LRBA: variants seen among roughly 807,000 people sequenced by gnomAD.
LRBA encodes the protein lipopolysaccharide-responsive and beige-like anchor protein.
A neutral mutation model predicts 330.0 loss-of-function variants in LRBA; 176 were observed. The observed-to-expected ratio is 0.53, with a 90% confidence interval of 0.47 to 0.60. The LOEUF (loss-of-function observed/expected upper bound fraction) is 0.60. LRBA is among the 20% of genes least tolerant of loss of function. The probability of loss-of-function intolerance (pLI) is 0.00; values close to 1 mark genes in which losing one functional copy is unlikely to be tolerated. For synonymous variants in LRBA, 1,230 were observed against 1,193.0 expected, an observed-to-expected ratio of 1.03 and a Z score of -0.64; for missense variants, 3,259 against 3,444.8, an observed-to-expected ratio of 0.95 and a Z score of 1.35.
intron 40 of LRBA, among the ~76,000 whole-genome samples, chr4:150,563,484 G>GGCACAAGACAGAGAT (rs1259474556): frequency 6.6e-6 from 1 of 150,396 alleles, no homozygotes; most frequent in Non-Finnish European, 1.5e-5. Flanking sequence ...CCCTTTGAGT[G>GGCACAAGACAGAGAT]GCCCTCTCTC....
intron 2 of LRBA, among the ~76,000 whole-genome samples, chr4:150,977,038 G>C (rs1718816272): frequency 6.6e-6 from 1 of 152,166 alleles, no homozygotes; most frequent in Non-Finnish European, 1.5e-5. Context: ...GGCAGTCTAG[G>C]CCACAAGGAC....
chr4:150,849,884 G>A (rs901667320), intron 24 of LRBA, among the ~76,000 whole-genome samples: 3 of 152,148 alleles, frequency 2.0e-5, no homozygotes, highest in Admixed American at 2.0e-4. Context: ...CAAAAATTAG[G>A]AGGTAAATAC....
intron 47 of LRBA, among the ~76,000 whole-genome samples, chr4:150,366,610 C>A (rs1277724230): frequency 6.6e-6 from 1 of 152,210 alleles, no homozygotes; most frequent in South Asian, 2.1e-4. Flanking sequence ...GGGAGCAAAT[C>A]CAAAGCCAGG....
chr4:150,591,807 A>G (rs1772873840), intron 38 of LRBA, among the ~76,000 whole-genome samples: 2 of 152,138 alleles, frequency 1.3e-5, no homozygotes, highest in Admixed American at 1.3e-4. Flanking sequence ...CCTACACTCA[A>G]CAATGGGATC....
chr4:150,924,659 T>C (rs1258886116), intron 4 of LRBA, among the ~76,000 whole-genome samples: 6 of 152,168 alleles, frequency 3.9e-5, no homozygotes, highest in African/African-American at 9.7e-5. Context: ...GATTTAGATA[T>C]AGGGATTTTT....
chr4:150,946,606 G>C lies in LRBA; in HGVS notation c.217-17541C>G, dbSNP rs114911443. Reference sequence around the variant, plus strand: ...AAAAATATAATATATCAAAATTTGTGGGCCATACCTGAGAGGGAAATTTGT... The same window carrying C: ...AAAAATATAATATATCAAAATTTGTCGGCCATACCTGAGAGGGAAATTTGT... On this transcript the variant is annotated intron_variant, in intron 2 of 56. Coordinates refer to ENST00000651943, the MANE Select transcript of LRBA (RefSeq NM_001364905.1). Among the ~76,000 whole-genome samples the C allele has an allele frequency of 2.1e-3, 322 of 152,040 alleles. 1 individual carries two copies. The highest frequency in any genetic ancestry group is 7.2e-3 in the African/African-American group (299 of 41,480).
intron 40 of LRBA, among the ~76,000 whole-genome samples, chr4:150,555,031 C>T (rs888443473): frequency 6.6e-6 from 1 of 152,082 alleles, no homozygotes; most frequent in Admixed American, 6.5e-5. Flanking sequence ...TAGATAACTA[C>T]TATAAATCTG....
chr4:150,285,960 G>A lies in LRBA; in HGVS notation c.8092C>T (p.Leu2698=). Residue 2698 remains leucine (L), a synonymous_variant, in exon 54 of 57, where the codon CTA becomes TTA. Coordinates refer to ENST00000651943, the MANE Select transcript of LRBA (RefSeq NM_001364905.1). ...EVTCAAVCAE[L]GLVLSGSQEG... is the part of the protein sequence containing the mutation. ...TGTGAACCACTCAACACCAGGCCTAGCTCCGCACACACCGCAGCACATGTG... is the reference window on the plus strand; with the variant it reads ...TGTGAACCACTCAACACCAGGCCTAACTCCGCACACACCGCAGCACATGTG... 1 of 1,596,364 alleles carries A rather than the reference G, an allele frequency of 6.3e-7. No individual in the cohort carries two copies. Among genetic ancestry groups the A allele is most frequent in the Non-Finnish European group, 8.5e-7 (1 of 1,172,238 alleles).
chr4:150,672,810 T>C (rs930625416), intron 37 of LRBA, among the ~76,000 whole-genome samples: 1 of 152,190 alleles, frequency 6.6e-6, no homozygotes, highest in African/African-American at 2.4e-5. Context: ...TCTACTGTTA[T>C]ATACTCAGTA....
chr4:150,566,104 C>T lies in LRBA; in HGVS notation c.6330+21944G>A, dbSNP rs553752015. 4.6e-5 allele frequency among the ~76,000 whole-genome samples: 7 copies of T among 151,888 alleles called. No individual in the cohort carries two copies. The South Asian group carries it at 1.5e-3, about 32-fold the overall frequency. On this transcript the variant is annotated intron_variant, in intron 40 of 56. Coordinates refer to ENST00000651943, the MANE Select transcript of LRBA (RefSeq NM_001364905.1). ...TGTAGTCAGGCATGGTGGTACATGC[C>T]TGTAGTTCTAGCTACTTGAGAGGCT...
chr4:150,469,278 C>G (rs991121864), intron 43 of LRBA, among the ~76,000 whole-genome samples: 2 of 151,976 alleles, frequency 1.3e-5, no homozygotes, highest in Non-Finnish European at 2.9e-5. Flanking sequence ...ATATGTGGCA[C>G]AAATAATAAT....
At chr4:150,490,890 G>C in intron 41 of LRBA, 28 bp downstream of exon 41, 2 of 1,334,956 alleles carry the variant, frequency 1.5e-6, no homozygotes, top group Non-Finnish European at 2.1e-6. Context: ...AGTTAGCTCT[G>C]TAACAACGTA....
chr4:150,289,415 C>T (rs965334799), intron 53 of LRBA, among the ~76,000 whole-genome samples: 8 of 151,744 alleles, frequency 5.3e-5, no homozygotes, highest in Non-Finnish European at 1.0e-4. Flanking sequence ...TTGCTAATCC[C>T]GGAAGCAGGT....
intron 49 of LRBA, among the ~76,000 whole-genome samples, chr4:150,323,391 A>G (rs1010993233): frequency 5.3e-5 from 8 of 152,224 alleles, no homozygotes; most frequent in African/African-American, 1.9e-4. Context: ...AAGTACATAC[A>G]TATTTCTGAG....
intron 29 of LRBA, among the ~76,000 whole-genome samples, chr4:150,830,242 G>A (rs1746964899): frequency 6.6e-6 from 1 of 152,192 alleles, no homozygotes; most frequent in African/African-American, 2.4e-5. Context: ...AAGCAGCAGT[G>A]GGCCAGTATT....
At chr4:150,809,982 A>G (rs1349321172) in intron 31 of LRBA, among the ~76,000 whole-genome samples, 1 of 152,146 alleles carries the variant, frequency 6.6e-6, no homozygotes, top group African/African-American at 2.4e-5. Context: ...GCTCACTTCA[A>G]TTGTATCTAG....
intron 32 of LRBA, 90 bp downstream of exon 32, chr4:150,808,230 A>G: frequency 2.5e-6 from 2 of 802,738 alleles, no homozygotes; most frequent in Non-Finnish European, 4.2e-6. Context: ...ATGAAATGAA[A>G]TGAAATGAAA....
chr4:150,752,258 T>C (rs1179973098), intron 35 of LRBA, among the ~76,000 whole-genome samples: 1 of 152,132 alleles, frequency 6.6e-6, no homozygotes, highest in Non-Finnish European at 1.5e-5. Flanking sequence ...TCTCCATGTA[T>C]CTGCCTCCTT....
At chr4:150,774,924 T>C (rs1430759743) in intron 34 of LRBA, among the ~76,000 whole-genome samples, 2 of 152,202 alleles carry the variant, frequency 1.3e-5, no homozygotes, top group African/African-American at 2.4e-5. Context: ...TTAATAGGCA[T>C]ACTATCTACT....
Sources: allele counts gnomAD v4.1 joint callset (sites outside exome capture counted in the v4.1 genomes callset), GRCh38; gene constraint gnomAD v4.1.1; transcripts MANE v1.5; gene names NCBI Gene and HGNC (gene_info 2026-07-23, HGNC 2026-07-21).